The following COL25A1 variants were observed in gnomAD, a reference collection of about 807,000 sequenced individuals.
The protein encoded by COL25A1 is collagen alpha-1(XXV) chain.
A neutral mutation model predicts 128.4 loss-of-function variants in COL25A1; 103 were observed. That is an observed-to-expected ratio of 0.80 (90% CI 0.68 to 0.94). COL25A1 has a LOEUF of 0.94. COL25A1 is among the 40% of genes least tolerant of loss of function. The pLI is 0.00. For synonymous variants in COL25A1, 279 were observed against 277.2 expected (o/e 1.01, Z -0.06); for missense variants, 745 against 840.0 (o/e 0.89, Z 1.40).
intron 6 of COL25A1, among the ~76,000 whole-genome samples, chr4:109,005,720 G>A (rs1428979481): frequency 1.3e-5 from 2 of 152,148 alleles, no homozygotes; most frequent in African/African-American, 4.8e-5. Context: ...TTTAAGGGTT[G>A]GCTAAGGGAG....
chr4:109,207,672 G>A (rs994793905), intron 3 of COL25A1, among the ~76,000 whole-genome samples: 1 of 152,134 alleles, frequency 6.6e-6, no homozygotes, highest in Non-Finnish European at 1.5e-5. Context: ...ACTACACATT[G>A]CCCCATAATT....
intron 3 of COL25A1, among the ~76,000 whole-genome samples, chr4:109,135,111 T>C (rs1769602034): frequency 6.7e-6 from 1 of 150,004 alleles, no homozygotes; most frequent in African/African-American, 2.5e-5. Context: ...GGTGATCAAG[T>C]GTGAACTGGG....
chr4:109,064,226 T>G (rs1762222026), intron 3 of COL25A1, among the ~76,000 whole-genome samples: 1 of 152,218 alleles, frequency 6.6e-6, no homozygotes, highest in Non-Finnish European at 1.5e-5. Flanking sequence ...GGAAACAGTT[T>G]CAGAATATTG....
intron 3 of COL25A1, among the ~76,000 whole-genome samples, chr4:109,252,066 A>G (rs377275326): frequency 8.5e-5 from 13 of 152,392 alleles, no homozygotes; most frequent in African/African-American, 3.1e-4. Context: ...AGTTCTGATC[A>G]GAAGCAATGC....
chr4:109,077,163 G>C (rs1411780295), intron 3 of COL25A1, among the ~76,000 whole-genome samples: 1 of 152,116 alleles, frequency 6.6e-6, no homozygotes, highest in Admixed American at 6.6e-5. Flanking sequence ...TGACCACCAT[G>C]GGCTAAATGA....
chr4:108,858,484 T>G (rs1736779608), intron 24 of COL25A1, among the ~76,000 whole-genome samples: 1 of 152,142 alleles, frequency 6.6e-6, no homozygotes, highest in Admixed American at 6.5e-5. Flanking sequence ...GACTCTAAAC[T>G]TTCTATTCCC....
At chr4:109,140,857 T>C (rs544338239) in intron 3 of COL25A1, among the ~76,000 whole-genome samples, 1 of 152,340 alleles carries the variant, frequency 6.6e-6, no homozygotes, top group South Asian at 2.1e-4. Context: ...GTTTTCTAAA[T>C]ATGCAATCGT....
At chr4:108,934,904 C>T (rs1192882238) in intron 11 of COL25A1, among the ~76,000 whole-genome samples, 3 of 152,136 alleles carry the variant, frequency 2.0e-5, no homozygotes, top group Non-Finnish European at 2.9e-5. Context: ...ATAATAATAA[C>T]ATACTCATAT....
chr4:108,913,937 C>T lies in COL25A1; in HGVS notation c.780+4235G>A, dbSNP rs562877278. 1.8e-4 allele frequency among the ~76,000 whole-genome samples: 28 copies of T among 152,138 alleles called. 1 individual carries two copies. The highest frequency in any genetic ancestry group is 1.3e-4 in the Admixed American group (2 of 15,294). ...GTTTGCGTGCATGCACTCATGCACA[C>T]GCGCATGGTGGGGGAAAGAATAAAT... On this transcript the variant is annotated intron_variant, in intron 13 of 37. Coordinates refer to ENST00000399132, the MANE Select transcript of COL25A1 (RefSeq NM_198721.4).
At chr4:109,149,101 C>T (rs533954428) in intron 3 of COL25A1, among the ~76,000 whole-genome samples, 23 of 152,278 alleles carry the variant, frequency 1.5e-4, no homozygotes, top group African/African-American at 5.5e-4. Flanking sequence ...TTCACATACA[C>T]CCGTAAATTA....
At chr4:108,882,244 G>A (rs1278811437) in intron 19 of COL25A1, among the ~76,000 whole-genome samples, 1 of 145,556 alleles carries the variant, frequency 6.9e-6, no homozygotes, top group Non-Finnish European at 1.5e-5. Context: ...ATGATAAATA[G>A]TATAATCAAA....
At chr4:108,833,692 C>A (rs1733436086) in intron 31 of COL25A1, among the ~76,000 whole-genome samples, 1 of 152,140 alleles carries the variant, frequency 6.6e-6, no homozygotes, top group Non-Finnish European at 1.5e-5. Context: ...AGAAAGAATT[C>A]AGAGTTTTAA....
intron 12 of COL25A1, among the ~76,000 whole-genome samples, 199 bp from the exon 13 acceptor site, chr4:108,918,415 C>A (rs1015348827): frequency 1.3e-5 from 2 of 152,276 alleles, no homozygotes; most frequent in African/African-American, 2.4e-5. Context: ...TAAAATTAAA[C>A]CTTGCTTCTA....
chr4:108,941,460 A>C (rs1362120498), intron 8 of COL25A1, 23 bp from the exon 9 acceptor site: 1 of 1,589,900 alleles, frequency 6.3e-7, no homozygotes, highest in South Asian at 1.1e-5. Flanking sequence ...TTGAGGTCAA[A>C]GGTTGAAGTT....
At chr4:109,280,427 C>T (rs1723265889) in intron 3 of COL25A1, among the ~76,000 whole-genome samples, 2 of 152,146 alleles carry the variant, frequency 1.3e-5, no homozygotes, top group South Asian at 2.1e-4. Flanking sequence ...TAACACCATG[C>T]ATAAACAAAT....
At chr4:109,246,203 T>C (rs1021383674) in intron 3 of COL25A1, among the ~76,000 whole-genome samples, 3 of 152,120 alleles carry the variant, frequency 2.0e-5, no homozygotes, top group African/African-American at 7.2e-5. Flanking sequence ...TTATAATGAT[T>C]AATATTCAAA....
intron 3 of COL25A1, among the ~76,000 whole-genome samples, chr4:109,078,443 T>C (rs1354028758): frequency 6.6e-6 from 1 of 152,194 alleles, no homozygotes; most frequent in Admixed American, 6.5e-5. Context: ...ATAAAATAAA[T>C]GACATATAGC....
At chr4:109,084,951 G>T (rs930758371) in intron 3 of COL25A1, among the ~76,000 whole-genome samples, 1 of 152,050 alleles carries the variant, frequency 6.6e-6, no homozygotes, top group Non-Finnish European at 1.5e-5. Flanking sequence ...TTCCAACAGA[G>T]CCCTCTCAAA....
At chr4:109,032,913 G>A (rs1188721950) in intron 5 of COL25A1, among the ~76,000 whole-genome samples, 1 of 152,172 alleles carries the variant, frequency 6.6e-6, no homozygotes, top group Non-Finnish European at 1.5e-5. Flanking sequence ...TCTGCGTCCC[G>A]CCTGGAGCAT....
Sources: allele counts gnomAD v4.1 joint callset (sites outside exome capture counted in the v4.1 genomes callset), GRCh38; gene constraint gnomAD v4.1.1; transcripts MANE v1.5; gene names NCBI Gene and HGNC (gene_info 2026-07-23, HGNC 2026-07-21).